The following QTMAN variants were observed in gnomAD, a reference collection of about 807,000 sequenced individuals.
QTMAN encodes the protein queuosine-tRNA mannosyltransferase, also known as tRNA-queuosine alpha-mannosyltransferase.
the QTMAN span, among the ~76,000 whole-genome samples, chr2:144,328,040 C>T: frequency 5.3e-4 from 81 of 152,278 alleles, no homozygotes; most frequent in Non-Finnish European, 8.8e-4. Context: ...CAACCTCCAC[C>T]GCCCAGGTTC....
chr2:144,145,829 C>A, the QTMAN span: 2 of 989,322 alleles, frequency 2.0e-6, no homozygotes, highest in Non-Finnish European at 3.0e-6. Flanking sequence ...CTTCCCACCC[C>A]AAGAAAAACA....
At chr2:143,966,041 GT>G in the QTMAN span, among the ~76,000 whole-genome samples, 4 of 151,048 alleles carry the variant, frequency 2.6e-5, no homozygotes, top group African/African-American at 4.9e-5. Flanking sequence ...TATATTTACT[GT>G]TTTTTTTTCC....
chr2:144,273,895 G>A, the QTMAN span, among the ~76,000 whole-genome samples: 594 of 152,268 alleles, frequency 3.9e-3, 3 homozygotes, highest in African/African-American at 0.014. Context: ...CAGCACTTTG[G>A]GAGGCCAAGG....
chr2:144,323,391 TTTC>T, the QTMAN span, among the ~76,000 whole-genome samples: 1 of 152,208 alleles, frequency 6.6e-6, no homozygotes, highest in African/African-American at 2.4e-5. Context: ...AAAGTGGCTT[TTTC>T]TTTTTTTCTG....
At chr2:144,231,151 T>C in the QTMAN span, among the ~76,000 whole-genome samples, 102 of 152,262 alleles carry the variant, frequency 6.7e-4, no homozygotes, top group African/African-American at 2.4e-3. Context: ...ATACTATCTA[T>C]TGAATTTTGA....
At chr2:144,133,359 TATA>T in the QTMAN span, among the ~76,000 whole-genome samples, 8 of 36,644 alleles carry the variant, frequency 2.2e-4, 1 homozygote, top group Non-Finnish European at 4.1e-4. Context: ...TATGTATATA[TATA>T]ATATAATATA....
the QTMAN span, among the ~76,000 whole-genome samples, chr2:144,217,186 G>C: frequency 6.6e-6 from 1 of 151,964 alleles, no homozygotes; most frequent in African/African-American, 2.4e-5. Context: ...CAGAATAATA[G>C]GTGCAAGGAG....
chr2:144,284,599 T>C, the QTMAN span, among the ~76,000 whole-genome samples: 3 of 152,266 alleles, frequency 2.0e-5, no homozygotes, highest in African/African-American at 4.8e-5. Flanking sequence ...ACAATTATTA[T>C]AGAAAAATAA....
chr2:144,254,204 C>T, the QTMAN span, among the ~76,000 whole-genome samples: 1 of 152,140 alleles, frequency 6.6e-6, no homozygotes, highest in African/African-American at 2.4e-5. Context: ...AGCAGATCAC[C>T]TGAGGTCAGG....
the QTMAN span, among the ~76,000 whole-genome samples, chr2:144,061,849 G>T: frequency 2.4e-3 from 366 of 152,262 alleles, 1 homozygote; most frequent in Non-Finnish European, 4.3e-3. Context: ...GAGAAGGAGG[G>T]AAGAGAGGAA....
At chr2:144,007,581 T>C in the QTMAN span, 6 of 1,311,186 alleles carry the variant, frequency 4.6e-6, no homozygotes, top group East Asian at 7.1e-5. Flanking sequence ...GAAAAAAATA[T>C]GTAAAATTTG....
chr2:143,961,453 A>T, the QTMAN span, among the ~76,000 whole-genome samples: 3 of 152,272 alleles, frequency 2.0e-5, no homozygotes, highest in East Asian at 1.9e-4. Context: ...GGCTTTCAAA[A>T]TTAAGGTCTG....
At chr2:144,265,901 A>G in the QTMAN span, among the ~76,000 whole-genome samples, 1 of 152,152 alleles carries the variant, frequency 6.6e-6, no homozygotes, top group African/African-American at 2.4e-5. Context: ...TGGAGAATCC[A>G]GTTTGACTCC....
chr2:144,021,442 A>C, the QTMAN span, among the ~76,000 whole-genome samples: 1 of 152,196 alleles, frequency 6.6e-6, no homozygotes, highest in Admixed American at 6.5e-5. Flanking sequence ...TGTGCTCCCT[A>C]TAAGAAAAAA....
At chr2:144,133,477 A>C in the QTMAN span, among the ~76,000 whole-genome samples, 1 of 81,162 alleles carries the variant, frequency 1.2e-5, no homozygotes, top group South Asian at 3.0e-4. Context: ...TATATTATAT[A>C]ATATATAAAA....
the QTMAN span, among the ~76,000 whole-genome samples, chr2:144,288,509 C>T: frequency 1.3e-5 from 2 of 152,102 alleles, no homozygotes; most frequent in East Asian, 1.9e-4. Context: ...ACACTAAAAA[C>T]GTTAAAGCAC....
the QTMAN span, among the ~76,000 whole-genome samples, chr2:144,329,187 AGCT>A: frequency 6.6e-6 from 1 of 152,196 alleles, no homozygotes; most frequent in East Asian, 1.9e-4. Flanking sequence ...GGCTGCAGTG[AGCT>A]GCTATCACAC....
chr2:144,153,646 G>A, the QTMAN span, among the ~76,000 whole-genome samples: 13 of 152,228 alleles, frequency 8.5e-5, no homozygotes, highest in African/African-American at 2.2e-4. Flanking sequence ...AGCCGAGATC[G>A]CACCACTGCA....
At chr2:144,323,835 T>G in the QTMAN span, among the ~76,000 whole-genome samples, 1 of 152,210 alleles carries the variant, frequency 6.6e-6, no homozygotes, top group Non-Finnish European at 1.5e-5. Context: ...ATCCTCACCC[T>G]AAACCTATTA....
Sources: allele counts gnomAD v4.1 joint callset (sites outside exome capture counted in the v4.1 genomes callset), GRCh38; gene constraint gnomAD v4.1.1; transcripts MANE v1.5; gene names NCBI Gene and HGNC (gene_info 2026-07-23, HGNC 2026-07-21).